The following ODAD2 variants were observed in gnomAD, a reference collection of about 807,000 sequenced individuals.
ODAD2 encodes the protein outer dynein arm docking complex subunit 2.
In ODAD2, 89 loss-of-function variants were observed where a neutral mutation model predicts 106.8. That is an observed-to-expected ratio of 0.83 (90% CI 0.70 to 0.99). ODAD2 has a LOEUF of 0.99. Ranked by LOEUF, ODAD2 falls within the 50% of genes least tolerant of loss-of-function variation. The probability of loss-of-function intolerance (pLI) is 0.00; values close to 1 mark genes in which losing one functional copy is unlikely to be tolerated. For missense variants in ODAD2, 1,168 were observed against 1,238.5 expected, an observed-to-expected ratio of 0.94 and a Z score of 0.85; for synonymous variants, 404 against 436.2, an observed-to-expected ratio of 0.93 and a Z score of 0.92.
At chr10:27,996,864 T>G (rs921494573) in intron 1 of ODAD2, among the ~76,000 whole-genome samples, 2 of 152,236 alleles carry the variant, frequency 1.3e-5, no homozygotes, top group African/African-American at 2.4e-5. Flanking sequence ...GCTGGACATC[T>G]GACTACTTCC....
chr10:27,982,431 C>G (rs1849611995), intron 6 of ODAD2, among the ~76,000 whole-genome samples: 1 of 152,062 alleles, frequency 6.6e-6, no homozygotes, highest in South Asian at 2.1e-4. Flanking sequence ...AGACTCCCTG[C>G]CCCCCTCCAG....
intron 13 of ODAD2, among the ~76,000 whole-genome samples, 186 bp from the exon 14 acceptor site, chr10:27,940,193 G>GTA (rs145103626): frequency 7.3e-5 from 11 of 150,968 alleles, no homozygotes; most frequent in East Asian, 1.9e-4. Flanking sequence ...TTGTGTGTGT[G>GTA]TATATATATA....
chr10:27,853,567 T>G (rs1839444181), intron 19 of ODAD2, among the ~76,000 whole-genome samples: 1 of 152,058 alleles, frequency 6.6e-6, no homozygotes. Flanking sequence ...ACAAAGAATA[T>G]GACCAAGAAT....
intron 1 of ODAD2, among the ~76,000 whole-genome samples, chr10:27,996,885 T>C (rs1359027199): frequency 6.6e-6 from 1 of 152,216 alleles, no homozygotes; most frequent in Admixed American, 6.5e-5. Flanking sequence ...CTATATATTC[T>C]AGTGTAGTGG....
intron 10 of ODAD2, among the ~76,000 whole-genome samples, chr10:27,948,779 ATT>A (rs11451204): frequency 1.4e-3 from 56 of 40,322 alleles, no homozygotes; most frequent in African/African-American, 5.2e-3. Flanking sequence ...TGGCCTTTGG[ATT>A]TTTTTTTTTT....
chr10:27,985,056 G>A lies in ODAD2; in HGVS notation c.538C>T (p.Leu180=). 1 of 1,609,274 alleles carries A rather than the reference G, an allele frequency of 6.2e-7. No individual in the cohort carries two copies. Among genetic ancestry groups the A allele is most frequent in the Non-Finnish European group, 8.5e-7 (1 of 1,178,472 alleles). The change falls in exon 4 of 20, where the codon CTG becomes TTG. Residue 180 remains leucine, a synonymous_variant. Transcript: ENST00000305242. ...TTTAGAGAATGATTGAGGAGGTGCAGATCCAATTGCTTAAGCAGCATAGCA... is the reference window on the plus strand; with the variant it reads ...TTTAGAGAATGATTGAGGAGGTGCAAATCCAATTGCTTAAGCAGCATAGCA... ...KIAMLLKQLD[L]HLLNHSLKHI...
intron 2 of ODAD2, among the ~76,000 whole-genome samples, chr10:27,992,173 A>T (rs1015131334): frequency 5.9e-5 from 9 of 152,186 alleles, no homozygotes; most frequent in Admixed American, 2.0e-4. Context: ...CTTGGTTTTC[A>T]TCAGCGCCAG....
intron 16 of ODAD2, among the ~76,000 whole-genome samples, chr10:27,918,257 T>G (rs1456572268): frequency 6.6e-6 from 1 of 151,762 alleles, no homozygotes; most frequent in Non-Finnish European, 1.5e-5. Flanking sequence ...CTCATGAACA[T>G]AAACACAAAA....
At chr10:27,961,940 C>T (rs568452723) in intron 9 of ODAD2, among the ~76,000 whole-genome samples, 1 of 152,222 alleles carries the variant, frequency 6.6e-6, no homozygotes, top group East Asian at 1.9e-4. Flanking sequence ...GTGGTGCATG[C>T]CTGTAATTTC....
At chr10:27,887,527 AT>A (rs1265525594) in intron 17 of ODAD2, among the ~76,000 whole-genome samples, 1 of 152,010 alleles carries the variant, frequency 6.6e-6, no homozygotes, top group African/African-American at 2.4e-5. Context: ...CAGAATACTC[AT>A]TTTTCTCAAG....
At chr10:27,834,395 T>C (rs563949372) in intron 19 of ODAD2, among the ~76,000 whole-genome samples, 38 of 152,090 alleles carry the variant, frequency 2.5e-4, no homozygotes, top group Middle Eastern at 3.4e-3. Context: ...ATCCCTTACA[T>C]AGGGCAAGAA....
chr10:27,997,387 T>A (rs1850619540), intron 1 of ODAD2: 1 of 147,186 alleles, frequency 6.8e-6, no homozygotes, highest in Admixed American at 6.6e-5. Flanking sequence ...TAATCTTAAG[T>A]ATAACATTTG....
intron 16 of ODAD2, among the ~76,000 whole-genome samples, chr10:27,915,816 A>G (rs1844328418): frequency 2.0e-5 from 3 of 152,142 alleles, no homozygotes; most frequent in Admixed American, 2.0e-4. Context: ...TGGCAGAACA[A>G]AGTAGTCATC....
At chr10:27,951,627 T>TA (rs201715058) in intron 10 of ODAD2, among the ~76,000 whole-genome samples, 12,942 of 145,030 alleles carry the variant, frequency 0.089, 576 homozygotes, top group East Asian at 0.21. Context: ...AATTTGAACT[T>TA]AAAAAAAAAA....
At chr10:27,882,991 A>T (rs1841850909) in intron 17 of ODAD2, among the ~76,000 whole-genome samples, 1 of 152,122 alleles carries the variant, frequency 6.6e-6, no homozygotes, top group Non-Finnish European at 1.5e-5. Context: ...GGTCAAAAAA[A>T]TTAAAAGAAA....
chr10:27,877,153 G>T (rs1327143569), intron 17 of ODAD2, among the ~76,000 whole-genome samples: 3 of 152,186 alleles, frequency 2.0e-5, no homozygotes, highest in Admixed American at 6.5e-5. Context: ...GTGTCTGATG[G>T]AATATAAATT....
intron 9 of ODAD2, among the ~76,000 whole-genome samples, chr10:27,967,582 A>C (rs1228869775): frequency 4.6e-5 from 7 of 151,712 alleles, no homozygotes; most frequent in Admixed American, 4.6e-4. Flanking sequence ...ATGGTGGCAG[A>C]GAAGGCCTTC....
At chr10:27,902,606 T>A (rs532258809) in intron 17 of ODAD2, among the ~76,000 whole-genome samples, 76 of 152,174 alleles carry the variant, frequency 5.0e-4, no homozygotes, top group African/African-American at 1.8e-3. Flanking sequence ...TAAAAAATGA[T>A]ACAGGGGAGA....
At chr10:27,906,114 A>C (rs7897889) in intron 17 of ODAD2, among the ~76,000 whole-genome samples, 100,070 of 151,958 alleles carry the variant, frequency 0.66, 33,339 homozygotes, top group Middle Eastern at 0.73. Context: ...GCAATCTATC[A>C]ATCTGACAAA....
Sources: gnomAD v4.1 joint callset for allele counts (sites outside exome capture counted in the v4.1 genomes callset) on GRCh38, gnomAD v4.1.1 for gene constraint, MANE v1.5 for transcripts, NCBI Gene and HGNC (gene_info 2026-07-23, HGNC 2026-07-21) for gene names.